ZCCHC14: variants seen among roughly 807,000 people sequenced by gnomAD.
ZCCHC14 encodes the protein zinc finger CCHC domain-containing protein 14.
In ZCCHC14, 16 loss-of-function variants were observed where a neutral mutation model predicts 85.0. That is an observed-to-expected ratio of 0.19 (90% CI 0.13 to 0.29). The LOEUF is 0.29. ZCCHC14 is among the 10% of genes least tolerant of loss of function. The pLI is 1.00. For missense variants in ZCCHC14, 1,303 were observed against 1,443.5 expected, an observed-to-expected ratio of 0.90 and a Z score of 1.58; for synonymous variants, 775 against 630.7, an observed-to-expected ratio of 1.23 and a Z score of -3.43.
At chr16:87,482,202 C>T (rs1338725209) in intron 1 of ZCCHC14, among the ~76,000 whole-genome samples, 4 of 152,204 alleles carry the variant, frequency 2.6e-5, no homozygotes. Context: ...CACTGAGCTA[C>T]TGGGAACCTT....
At chr16:87,443,256 G>C (rs1037357422) in intron 2 of ZCCHC14, among the ~76,000 whole-genome samples, 8 of 152,178 alleles carry the variant, frequency 5.3e-5, no homozygotes, top group Non-Finnish European at 1.2e-4. Flanking sequence ...ACCGGCACTG[G>C]TAAGTGGGCT....
Position 87,491,638 on chromosome 16 carries a change from G to T in ZCCHC14, c.570+31C>A, listed in dbSNP as rs755725578. 7.2e-7 allele frequency: 1 copy of T among 1,382,002 alleles called. No individual in the cohort carries two copies. The highest frequency in any genetic ancestry group is 9.3e-7 in the Non-Finnish European group (1 of 1,072,858). The allele number at this position is 1,382,002 out of a possible 1,614,324, so 85.6% of individuals were successfully genotyped here. A position where few individuals can be genotyped will look rare whatever the true frequency, so the allele number is the denominator to read the frequency against. On this transcript the variant is annotated intron_variant, in intron 1 of 12. Coordinates refer to ENST00000671377, the MANE Select transcript of ZCCHC14 (RefSeq NM_015144.3). The surrounding 1 kb of genome is among the most constrained non-coding windows in gnomAD (Gnocchi z 5.9). The stretch of plus-strand genomic sequence containing the variant: ...GCAGAGTTGGGGATGCAGACTTGGG[G>T]TACAGGGCAGAGCTCGGGGCGGGCA...
At chr16:87,453,045 G>A (rs1168337502) in intron 2 of ZCCHC14, among the ~76,000 whole-genome samples, 1 of 152,254 alleles carries the variant, frequency 6.6e-6, no homozygotes, top group East Asian at 1.9e-4. Context: ...GACACAGCCT[G>A]GGAGGGGAGG....
intron 1 of ZCCHC14, among the ~76,000 whole-genome samples, chr16:87,464,976 T>A (rs763882993): frequency 5.9e-5 from 9 of 152,318 alleles, no homozygotes; most frequent in Non-Finnish European, 8.8e-5. Flanking sequence ...AGCTGCTCTC[T>A]TCCTCTCCAC....
Position 87,412,923 on chromosome 16 carries a change from TCAG to T in ZCCHC14, c.1795_1797del (p.Leu599del), listed in dbSNP as rs760825960. 1.4e-4 allele frequency: 231 copies of T among 1,601,764 alleles called. No individual in the cohort carries two copies. The highest frequency in any genetic ancestry group is 9.0e-4 in the Admixed American group (53 of 58,976). ...CTGGCGGAACTGGAAGTGAAGTGAT[TCAG>T]CAGCATCACCGGCTTCTCCTTGTCA... On this transcript the variant is annotated inframe_deletion, in exon 12 of 13. Transcript: ENST00000671377.
chr16:87,449,557 A>G (rs75314535), intron 2 of ZCCHC14, among the ~76,000 whole-genome samples: 2,469 of 152,240 alleles, frequency 0.016, 25 homozygotes, highest in Middle Eastern at 0.044. Flanking sequence ...TCTTTAGGTC[A>G]ACAGAGACCT....
chr16:87,492,248 C>A lies in ZCCHC14; in HGVS notation c.-10G>T. 1 of 981,780 alleles carries A rather than the reference C, an allele frequency of 1.0e-6. No individual in the cohort carries two copies. Among genetic ancestry groups the A allele is most frequent in the Non-Finnish European group, 1.2e-6 (1 of 828,748 alleles). The allele number at this position is 981,780 out of a possible 1,614,324, so 60.8% of individuals were successfully genotyped here. A position where few individuals can be genotyped will look rare whatever the true frequency, so the allele number is the denominator to read the frequency against. On this transcript the variant is annotated 5_prime_UTR_variant, in exon 1 of 13. Coordinates refer to ENST00000671377, the MANE Select transcript of ZCCHC14 (RefSeq NM_015144.3). This position sits in a 1 kb window ranked among gnomAD's most constrained non-coding sequence, Gnocchi z 6.7. ...AGCGCTTCTCCACCATGCTGCCGCC[C>A]GCGCCGCGCCGCGACCCGGGGCCGG...
rs894925546 is a variant in ZCCHC14 at position 87,419,458 on chromosome 16, G to A, written c.1045+325C>T. On this transcript the variant is annotated intron_variant, in intron 6 of 12. Transcript: ENST00000671377. ...GGGGACTGCAGGCATGCATCACCAC[G>A]CCTGGCTAATTTTTTTGTATTTTTA... Among the ~76,000 whole-genome samples, 3 of 152,202 alleles carry A rather than the reference G, an allele frequency of 2.0e-5. No homozygotes were observed. The East Asian group carries it at 5.8e-4, about 29-fold the overall frequency.
At chr16:87,457,602 T>A (rs1389991090) in intron 2 of ZCCHC14, among the ~76,000 whole-genome samples, 1 of 152,222 alleles carries the variant, frequency 6.6e-6, no homozygotes, top group Non-Finnish European at 1.5e-5. Context: ...TACTAAGAAA[T>A]TTTTTAAATG....
At chr16:87,466,305 A>T (rs1410249110) in intron 1 of ZCCHC14, among the ~76,000 whole-genome samples, 2 of 152,226 alleles carry the variant, frequency 1.3e-5, no homozygotes, top group Non-Finnish European at 2.9e-5. Context: ...TCTTCCAAAG[A>T]CATCCAAGTG....
chr16:87,411,764 A>G lies in ZCCHC14; in HGVS notation c.2957T>C (p.Val986Ala). 6.2e-6 allele frequency: 10 copies of G among 1,612,080 alleles called. No homozygotes were observed. Among genetic ancestry groups the G allele is most frequent in the Non-Finnish European group, 8.5e-6 (10 of 1,178,910 alleles). ...GCTGCTGCTGTAAGGGGCGTGCACG[A>G]CGGGGAAGGTGGAGCCGCCGCCGTA... The part of the protein sequence containing the change: ...QQYGGGSTFP[V>A]VHAPYSSSGT... Residue 986 changes from valine (V) to alanine (A), a missense_variant, in exon 12 of 13, where the codon GTC becomes GCC. Transcript: ENST00000671377.
intron 1 of ZCCHC14, among the ~76,000 whole-genome samples, chr16:87,482,280 AC>A (rs1324125647): frequency 6.6e-6 from 1 of 152,166 alleles, no homozygotes; most frequent in Non-Finnish European, 1.5e-5. Flanking sequence ...TGGCAAAACC[AC>A]AGCTGAAAAG....
intron 2 of ZCCHC14, among the ~76,000 whole-genome samples, chr16:87,433,529 C>T (rs1486736960): frequency 3.3e-5 from 5 of 152,212 alleles, no homozygotes; most frequent in East Asian, 1.9e-4. Context: ...TGCAGCCTCC[C>T]GGGTTCACCC....
At chr16:87,462,608 C>T (rs1055432074) in intron 1 of ZCCHC14, among the ~76,000 whole-genome samples, 6 of 151,850 alleles carry the variant, frequency 4.0e-5, no homozygotes, top group Non-Finnish European at 7.4e-5. Context: ...GGCATGGTGG[C>T]GGGTGCTTGT....
chr16:87,480,329 G>A (rs1338454363), intron 1 of ZCCHC14, among the ~76,000 whole-genome samples: 3 of 152,052 alleles, frequency 2.0e-5, no homozygotes. Context: ...CGTGAACCCG[G>A]GAGGCGGAGC....
intron 2 of ZCCHC14, among the ~76,000 whole-genome samples, chr16:87,459,491 T>G (rs1481821399): frequency 2.0e-5 from 3 of 149,768 alleles, no homozygotes; most frequent in African/African-American, 7.4e-5. Flanking sequence ...ATTACAAGCG[T>G]GCACCACCAG....
At chr16:87,423,962 G>A (rs916326740) in intron 3 of ZCCHC14, 81 bp from the exon 4 acceptor site, 3 of 1,467,616 alleles carry the variant, frequency 2.0e-6, no homozygotes, top group East Asian at 2.4e-5. Context: ...TACGACTGGG[G>A]CACACGTTCA....
chr16:87,437,927 G>A (rs910272487), intron 2 of ZCCHC14, among the ~76,000 whole-genome samples: 8 of 152,170 alleles, frequency 5.3e-5, no homozygotes, highest in Non-Finnish European at 8.8e-5. Context: ...ACCACACCAC[G>A]GTGTTTCGAT....
chr16:87,415,996 G>A (rs1361952453), intron 8 of ZCCHC14, among the ~76,000 whole-genome samples: 8 of 152,004 alleles, frequency 5.3e-5, no homozygotes, highest in African/African-American at 7.2e-5. Context: ...GTGCGATCTC[G>A]GCTCACTGCA....
Sources: allele counts gnomAD v4.1 joint callset (sites outside exome capture counted in the v4.1 genomes callset), GRCh38; gene constraint gnomAD v4.1.1; non-coding constraint Gnocchi (gnomAD v3.1); transcripts MANE v1.5; gene names NCBI Gene and HGNC (gene_info 2026-07-23, HGNC 2026-07-21).